TDP1: variants seen among roughly 807,000 people sequenced by gnomAD.
The protein encoded by TDP1 is tyr-DNA phosphodiesterase 1.
Under a neutral mutation model 81.5 loss-of-function variants are expected in TDP1, and 64 were observed. The observed-to-expected ratio is 0.79, with a 90% CI of 0.64 to 0.97. The LOEUF (loss-of-function observed/expected upper bound fraction) is 0.97, where lower values mean the gene tolerates loss of function less well. TDP1 is among the 50% of genes least tolerant of loss of function. The probability of loss-of-function intolerance (pLI) is 0.00; values close to 1 mark genes in which losing one functional copy is unlikely to be tolerated. For synonymous variants in TDP1, 256 were observed against 264.3 expected, an observed-to-expected ratio of 0.97 and a Z score of 0.30; for missense variants, 723 against 743.8, an observed-to-expected ratio of 0.97 and a Z score of 0.33.
intron 2 of TDP1, among the ~76,000 whole-genome samples, chr14:89,957,564 G>A (rs963737405): frequency 3.3e-5 from 5 of 152,198 alleles, no homozygotes; most frequent in Non-Finnish European, 1.5e-5. Flanking sequence ...TGGTCTTTAA[G>A]CTCAATGAGA....
chr14:90,021,896 G>T (rs1886132693), intron 15 of TDP1, among the ~76,000 whole-genome samples: 1 of 151,954 alleles, frequency 6.6e-6, no homozygotes, highest in Admixed American at 6.5e-5. Flanking sequence ...AAAAAACAGA[G>T]CCTGGAACAG....
chr14:90,026,963 G>C (rs534859159), intron 15 of TDP1, among the ~76,000 whole-genome samples: 1 of 152,190 alleles, frequency 6.6e-6, no homozygotes, highest in African/African-American at 2.4e-5. Context: ...ACAATCCTTT[G>C]GGTATATACC....
chr14:90,006,370 AAGAT>A, intron 14 of TDP1, among the ~76,000 whole-genome samples: 1 of 152,214 alleles, frequency 6.6e-6, no homozygotes, highest in South Asian at 2.1e-4. Context: ...TTAATCTCCC[AAGAT>A]TCTTCAACAT....
At chr14:90,004,338 C>T (rs576335544) in intron 14 of TDP1, among the ~76,000 whole-genome samples, 3 of 152,262 alleles carry the variant, frequency 2.0e-5, no homozygotes, top group South Asian at 2.1e-4. Context: ...GGAGGTGCTA[C>T]CTGGAATTTC....
intron 14 of TDP1, among the ~76,000 whole-genome samples, chr14:90,003,929 TTGTC>T (rs532962077): frequency 6.6e-4 from 101 of 152,318 alleles, no homozygotes; most frequent in Middle Eastern, 3.4e-3. Flanking sequence ...TTGTTCTCCT[TTGTC>T]TGAGTATTTT....
chr14:90,037,040 G>A (rs7155177), intron 16 of TDP1, among the ~76,000 whole-genome samples: 2,636 of 152,210 alleles, frequency 0.017, 67 homozygotes, highest in African/African-American at 0.059. Context: ...TTGAACTCCT[G>A]GGCTCAAGTA....
chr14:90,024,741 A>C (rs986642607), intron 15 of TDP1, among the ~76,000 whole-genome samples: 2 of 152,228 alleles, frequency 1.3e-5, no homozygotes, highest in Non-Finnish European at 2.9e-5. Flanking sequence ...TAATTTAATA[A>C]ATATCTTAAA....
intron 10 of TDP1, 37 bp downstream of exon 10, chr14:89,985,247 A>AT: frequency 8.3e-7 from 1 of 1,204,520 alleles, no homozygotes; most frequent in Non-Finnish European, 1.2e-6. Flanking sequence ...TTTTTAAAAA[A>AT]TTTAATGTAT....
intron 5 of TDP1, among the ~76,000 whole-genome samples, chr14:89,969,428 T>A (rs1725290175): frequency 6.6e-6 from 1 of 152,222 alleles, no homozygotes; most frequent in South Asian, 2.1e-4. Flanking sequence ...TACCTCAGTA[T>A]GCTATTGTTC....
intron 16 of TDP1, among the ~76,000 whole-genome samples, chr14:90,039,564 A>G (rs1253125648): frequency 6.6e-6 from 1 of 152,080 alleles, no homozygotes; most frequent in Non-Finnish European, 1.5e-5. Flanking sequence ...TGGGGGTGAG[A>G]GCAGAGTCAT....
chr14:90,039,487 C>T (rs1351363070), intron 16 of TDP1, among the ~76,000 whole-genome samples: 1 of 152,244 alleles, frequency 6.6e-6, no homozygotes, highest in Admixed American at 6.5e-5. Context: ...ACAGTGGCTT[C>T]TGGAGGTCGT....
chr14:89,960,555 A>T (rs563136512), intron 2 of TDP1, among the ~76,000 whole-genome samples: 1 of 152,366 alleles, frequency 6.6e-6, no homozygotes, highest in Non-Finnish European at 1.5e-5. Context: ...AAACTTTTAG[A>T]AAGCAGATAT....
In TDP1 at chr14:89,985,149, C is replaced by T; in HGVS notation, c.1070C>T (p.Ser357Leu). 1 of 1,611,130 alleles carries T rather than the reference C, an allele frequency of 6.2e-7. No individual in the cohort carries two copies. The highest frequency in any genetic ancestry group is 1.1e-5 in the South Asian group (1 of 90,702). Residue 357 changes from serine (S) to leucine (L), a missense_variant, in exon 10 of 17, where the codon TCA (serine) becomes TTA (leucine). Coordinates refer to ENST00000335725, the MANE Select transcript of TDP1 (RefSeq NM_018319.4). The part of the protein sequence containing the change: ...LSETNVYLIG[S>L]TPGRFQGSQK... ...CTTTTTAGTGTTTATCTTATTGGTT[C>T]AACCCCAGGACGCTTTCAAGGAAGT... is the stretch of plus-strand genomic sequence containing the variant.
intron 9 of TDP1, 103 bp from the exon 10 acceptor site, chr14:89,985,029 A>G (rs1442972649): frequency 3.0e-6 from 4 of 1,326,758 alleles, no homozygotes; most frequent in East Asian, 2.5e-5. Flanking sequence ...TGGCTCTTAG[A>G]TCATTTCTTG....
At chr14:90,000,636 C>T (rs1044696007) in intron 14 of TDP1, among the ~76,000 whole-genome samples, 13 of 152,160 alleles carry the variant, frequency 8.5e-5, no homozygotes, top group African/African-American at 3.1e-4. Flanking sequence ...CCGCCCACCT[C>T]GGCCCCCCAA....
chr14:90,008,682 ATTAT>A (rs1269390539), intron 14 of TDP1, among the ~76,000 whole-genome samples: 18 of 152,292 alleles, frequency 1.2e-4, no homozygotes, highest in Admixed American at 5.9e-4. Flanking sequence ...TGCTTGTTTC[ATTAT>A]TTCTTTTGTA....
At chr14:89,960,364 T>C (rs1425589089) in intron 2 of TDP1, among the ~76,000 whole-genome samples, 1 of 152,076 alleles carries the variant, frequency 6.6e-6, no homozygotes, top group African/African-American at 2.4e-5. Context: ...TCAATCTGAA[T>C]CTCTTTCATG....
intron 16 of TDP1, among the ~76,000 whole-genome samples, chr14:90,041,496 T>C (rs1334757826): frequency 6.6e-6 from 1 of 152,244 alleles, no homozygotes; most frequent in Non-Finnish European, 1.5e-5. Context: ...ATGATGGCTC[T>C]GAACAAACCG....
chr14:90,030,949 A>C (rs1388699556), intron 15 of TDP1, among the ~76,000 whole-genome samples: 1 of 149,522 alleles, frequency 6.7e-6, no homozygotes, highest in Non-Finnish European at 1.5e-5. Context: ...TTTTGTATTT[A>C]TTTATTAGAG....
Sources: allele counts gnomAD v4.1 joint callset (sites outside exome capture counted in the v4.1 genomes callset), GRCh38; gene constraint gnomAD v4.1.1; transcripts MANE v1.5; gene names NCBI Gene and HGNC (gene_info 2026-07-23, HGNC 2026-07-21).